SELENOI: variants seen among roughly 807,000 people sequenced by gnomAD.
The protein encoded by SELENOI is selenoprotein I, also known as ethanolaminephosphotransferase 1.
SELENOI carries 24 observed loss-of-function variants against 50.7 expected under a neutral mutation model. The ratio of observed to expected loss-of-function variants is 0.47; its 90% CI spans 0.34 to 0.67. The LOEUF (loss-of-function observed/expected upper bound fraction) is 0.67, where lower values mean the gene tolerates loss of function less well. SELENOI is among the 30% of genes least tolerant of loss of function. SELENOI has a pLI of 0.01. For missense variants in SELENOI, 352 were observed against 461.4 expected (o/e 0.76, Z 2.17); for synonymous variants, 155 against 170.2 (o/e 0.91, Z 0.70).
At chr2:26,354,006 G>A (rs1461676694) in intron 1 of SELENOI, among the ~76,000 whole-genome samples, 1 of 152,158 alleles carries the variant, frequency 6.6e-6, no homozygotes, top group Non-Finnish European at 1.5e-5. Context: ...AGTGGCGGGT[G>A]TGTAAGTGAC....
chr2:26,387,621 AG>A (rs1677872513), intron 9 of SELENOI, among the ~76,000 whole-genome samples: 1 of 150,350 alleles, frequency 6.7e-6, no homozygotes, highest in Non-Finnish European at 1.5e-5. Flanking sequence ...GCTGGAGCCC[AG>A]GAGGTCGGGG....
intron 1 of SELENOI, among the ~76,000 whole-genome samples, chr2:26,347,988 T>C (rs1181709749): frequency 1.3e-5 from 2 of 152,174 alleles, no homozygotes; most frequent in Non-Finnish European, 2.9e-5. Context: ...TTCACTAAAA[T>C]AGTTTGTTGA....
intron 6 of SELENOI, among the ~76,000 whole-genome samples, chr2:26,382,015 T>A (rs890103108): frequency 6.6e-6 from 1 of 152,134 alleles, no homozygotes; most frequent in Non-Finnish European, 1.5e-5. Context: ...ATATATTGAT[T>A]TGGAGTTTGA....
chr2:26,391,641 C>T lies in SELENOI; in HGVS notation c.*2538C>T, dbSNP rs931252920. On this transcript the variant is annotated 3_prime_UTR_variant, in exon 10 of 10. Coordinates refer to ENST00000260585, the MANE Select transcript of SELENOI (RefSeq NM_033505.4). ...TCAGAATAGAGTGCCTTAGCTAGGCCAGAGGCTCGTATTGTGTTTCTGCTG... is the reference window on the plus strand; with the variant it reads ...TCAGAATAGAGTGCCTTAGCTAGGCTAGAGGCTCGTATTGTGTTTCTGCTG... The T allele has an allele frequency of 2.6e-5, 4 of 152,054 alleles. No homozygotes were observed. The highest frequency in any genetic ancestry group is 9.7e-5 in the African/African-American group (4 of 41,400). The allele number at this position is 152,054 out of a possible 1,614,324, so 9.4% of individuals were successfully genotyped here. A position where few individuals can be genotyped will look rare whatever the true frequency, so the allele number is the denominator to read the frequency against.
chr2:26,373,355 T>C lies in SELENOI; in HGVS notation c.311-12T>C. On this transcript the variant is annotated splice_polypyrimidine_tract_variant and intron_variant, in intron 4 of 9. Coordinates refer to ENST00000260585, the MANE Select transcript of SELENOI (RefSeq NM_033505.4). ...TACGTTGAACTTTTCCTGTGGTTTGTTTTTGTTGCAGATGGTGTGGACGGA... is the reference window on the plus strand; with the variant it reads ...TACGTTGAACTTTTCCTGTGGTTTGCTTTTGTTGCAGATGGTGTGGACGGA... 1.2e-6 allele frequency: 2 copies of C among 1,601,158 alleles called. No individual in the cohort carries two copies. The highest frequency in any genetic ancestry group is 2.2e-5 in the East Asian group (1 of 44,680).
rs1478712594 is a variant in SELENOI at position 26,364,300 on chromosome 2, A to T, written c.58-2A>T. On this transcript the variant is annotated splice_acceptor_variant, in intron 1 of 9. Transcript: ENST00000260585. LOFTEE classifies it high-confidence loss of function. ...TGAATATTTTCTTTCATTTCTTAAC[A>T]GTACAGTGCTGTGGATACCAATCCA... 6.5e-7 allele frequency: 1 copy of T among 1,545,984 alleles called. No individual in the cohort carries two copies. Among genetic ancestry groups the T allele is most frequent in the Non-Finnish European group, 8.8e-7 (1 of 1,139,336 alleles).
intron 1 of SELENOI, among the ~76,000 whole-genome samples, chr2:26,354,254 G>C (rs908299998): frequency 6.6e-6 from 1 of 151,990 alleles, no homozygotes; most frequent in Non-Finnish European, 1.5e-5. Context: ...CCCACAGCTC[G>C]TAAGTGGTGG....
In SELENOI at chr2:26,392,109, T is replaced by C. The variant is rs1677985168; in HGVS notation, c.*3006T>C. 1 of 152,210 alleles carries C rather than the reference T, an allele frequency of 6.6e-6. No homozygotes were observed. The allele number at this position is 152,210 out of a possible 1,614,324, so 9.4% of individuals were successfully genotyped here. A position where few individuals can be genotyped will look rare whatever the true frequency, so the allele number is the denominator to read the frequency against. ...AATACCATCATGTTATTTATTCTAA[T>C]ATAGAGGCATTGAGAGGAGGGGAGT... On this transcript the variant is annotated 3_prime_UTR_variant, in exon 10 of 10. Transcript: ENST00000260585.
rs1415170850 is a variant in SELENOI at position 26,392,909 on chromosome 2, GCTGCCAGCATTAGAA to G, written c.*3808_*3822del. On this transcript the variant is annotated 3_prime_UTR_variant, in exon 10 of 10. Transcript: ENST00000260585. The stretch of plus-strand genomic sequence containing the variant: ...GTGGGTGAATAACTTTAGTAAGTTA[GCTGCCAGCATTAGAA>G]CCTTCCAGGAAGAATTTTAACTAGT... 6.6e-6 allele frequency: 1 copy of G among 152,200 alleles called. No homozygotes were observed. Among genetic ancestry groups the G allele is most frequent in the Non-Finnish European group, 1.5e-5 (1 of 68,038 alleles). The allele number at this position is 152,200 out of a possible 1,614,324, so 9.4% of individuals were successfully genotyped here. A position where few individuals can be genotyped will look rare whatever the true frequency, so the allele number is the denominator to read the frequency against.
chr2:26,360,682 A>G (rs528453633), intron 1 of SELENOI, among the ~76,000 whole-genome samples: 2 of 152,250 alleles, frequency 1.3e-5, no homozygotes, highest in Admixed American at 6.5e-5. Flanking sequence ...ACTTGAAAGG[A>G]GTGATTTTTC....
Position 26,347,185 on chromosome 2 carries a change from C to T in SELENOI, c.57+896C>T, listed in dbSNP as rs1676806094. 2.0e-5 allele frequency among the ~76,000 whole-genome samples: 3 copies of T among 152,248 alleles called. No individual in the cohort carries two copies. In the South Asian group the frequency reaches 6.2e-4, roughly 32 times the overall value. ...TTACCCGTTCATCTTCACATCTTAG[C>T]TTAAATATTGCTTCCTCAAAGAAGC... On this transcript the variant is annotated intron_variant, in intron 1 of 9. Transcript: ENST00000260585.
At chr2:26,369,898 T>C (rs576324958) in intron 4 of SELENOI, among the ~76,000 whole-genome samples, 1 of 152,116 alleles carries the variant, frequency 6.6e-6, no homozygotes, top group South Asian at 2.1e-4. Context: ...CTTGGGTGTT[T>C]CTCACAGAGG....
At chr2:26,360,811 T>C (rs1187566853) in intron 1 of SELENOI, among the ~76,000 whole-genome samples, 8 of 151,984 alleles carry the variant, frequency 5.3e-5, no homozygotes. Context: ...TATTGGTTCC[T>C]GGTCCTCAGG....
chr2:26,361,522 A>G (rs962473741), intron 1 of SELENOI, among the ~76,000 whole-genome samples: 2 of 152,188 alleles, frequency 1.3e-5, no homozygotes, highest in Admixed American at 1.3e-4. Context: ...CTGGTTGGCT[A>G]TGGTTAAAAT....
At chr2:26,379,954 C>T (rs1017622383) in intron 6 of SELENOI, among the ~76,000 whole-genome samples, 7 of 152,158 alleles carry the variant, frequency 4.6e-5, no homozygotes, top group Non-Finnish European at 1.0e-4. Context: ...CAGAGGAAAA[C>T]TGAAAATTAA....
At position 26,391,055 on chromosome 2, in the gene SELENOI, A is replaced by G. The variant is rs1677955348; in HGVS notation, c.*1952A>G. 1 of 93,048 alleles carries G rather than the reference A, an allele frequency of 1.1e-5. No individual in the cohort carries two copies. The highest frequency in any genetic ancestry group is 4.1e-5 in the African/African-American group (1 of 24,576). The allele number at this position is 93,048 out of a possible 1,614,324, so 5.8% of individuals were successfully genotyped here. ...TTCTTGACCTTGTACAGTATAGTAA[A>G]AATACCCTTTACTTCTGACATTTTA... On this transcript the variant is annotated 3_prime_UTR_variant, in exon 10 of 10. Transcript: ENST00000260585.
rs1677307161 is a variant in SELENOI, at chr2:26,367,302, C to T, written c.310+82C>T. On this transcript the variant is annotated intron_variant, in intron 4 of 9. Coordinates refer to ENST00000260585, the MANE Select transcript of SELENOI (RefSeq NM_033505.4). Reference sequence around the variant, plus strand: ...CCACGTATTAAAATAACATTTTCTCCTGTGCTTAATTCATTTTAACTAGAG... The same window carrying T: ...CCACGTATTAAAATAACATTTTCTCTTGTGCTTAATTCATTTTAACTAGAG... The T allele has an allele frequency of 5.6e-6, 6 of 1,069,976 alleles. No individual in the cohort carries two copies. The African/African-American group carries it at 7.9e-5, about 14-fold the overall frequency. The allele number at this position is 1,069,976 out of a possible 1,614,324, so 66.3% of individuals were successfully genotyped here.
At chr2:26,361,789 G>C (rs1318532845) in intron 1 of SELENOI, among the ~76,000 whole-genome samples, 2 of 152,234 alleles carry the variant, frequency 1.3e-5, no homozygotes, top group East Asian at 3.9e-4. Flanking sequence ...AAGTACCTGG[G>C]ATTACAGGCG....
intron 1 of SELENOI, 93 bp downstream of exon 1, chr2:26,346,382 C>G (rs1158929045): frequency 1.4e-6 from 2 of 1,388,764 alleles, no homozygotes; most frequent in East Asian, 2.7e-5. Context: ...CACCTTGTGC[C>G]GCGTGGCTCC....
Sources: allele counts gnomAD v4.1 joint callset (sites outside exome capture counted in the v4.1 genomes callset), GRCh38; gene constraint gnomAD v4.1.1; transcripts MANE v1.5; gene names NCBI Gene and HGNC (gene_info 2026-07-23, HGNC 2026-07-21).